SLC8A3: variants seen among roughly 807,000 people sequenced by gnomAD.
SLC8A3 encodes the protein solute carrier family 8 member A3.
A neutral mutation model predicts 65.4 loss-of-function variants in SLC8A3; 37 were observed. The ratio of observed to expected loss-of-function variants is 0.57; its 90% confidence interval spans 0.44 to 0.74. The LOEUF (loss-of-function observed/expected upper bound fraction) is 0.74, where lower values mean the gene tolerates loss of function less well. Ranked by LOEUF, SLC8A3 falls within the 30% of genes least tolerant of loss-of-function variation. The pLI, the probability that SLC8A3 is intolerant of heterozygous loss-of-function variation, is 0.00. For synonymous variants in SLC8A3, 461 were observed against 444.5 expected, an observed-to-expected ratio of 1.04 and a Z score of -0.47; for missense variants, 1,112 against 1,172.1, an observed-to-expected ratio of 0.95 and a Z score of 0.75.
At chr14:70,062,728 G>A (rs546768433) in intron 2 of SLC8A3, among the ~76,000 whole-genome samples, 5 of 152,222 alleles carry the variant, frequency 3.3e-5, no homozygotes, top group Admixed American at 6.5e-5. Context: ...CTTGCTCAGC[G>A]GACAAAAGAG....
intron 2 of SLC8A3, among the ~76,000 whole-genome samples, chr14:70,143,389 T>A (rs908939590): frequency 6.6e-6 from 1 of 152,172 alleles, no homozygotes. Flanking sequence ...CCAGGCGTGC[T>A]TGGCTCCAGA....
At chr14:70,141,285 T>G (rs1216363776) in intron 2 of SLC8A3, among the ~76,000 whole-genome samples, 1 of 152,202 alleles carries the variant, frequency 6.6e-6, no homozygotes, top group Non-Finnish European at 1.5e-5. Flanking sequence ...ATCACCCCAT[T>G]TAGACCTTGC....
At chr14:70,146,109 G>A (rs920262932) in intron 2 of SLC8A3, among the ~76,000 whole-genome samples, 3 of 152,130 alleles carry the variant, frequency 2.0e-5, no homozygotes, top group Non-Finnish European at 2.9e-5. Context: ...TTCACCACAG[G>A]CAGGGGAAAT....
intron 2 of SLC8A3, among the ~76,000 whole-genome samples, chr14:70,108,978 G>A (rs917901679): frequency 2.6e-5 from 4 of 152,124 alleles, no homozygotes; most frequent in South Asian, 4.1e-4. Flanking sequence ...CACCTTAAAT[G>A]TTGCTTTGTC....
At chr14:70,175,402 G>A (rs545548479) in intron 1 of SLC8A3, among the ~76,000 whole-genome samples, 1 of 152,260 alleles carries the variant, frequency 6.6e-6, no homozygotes, top group South Asian at 2.1e-4. Context: ...GGCAAAGAGG[G>A]GCTATGAAAC....
At chr14:70,146,655 G>T (rs192864129) in intron 2 of SLC8A3, among the ~76,000 whole-genome samples, 6 of 152,208 alleles carry the variant, frequency 3.9e-5, no homozygotes. Flanking sequence ...ATTCATAGCT[G>T]AAGTGGAACA....
chr14:70,143,063 C>T (rs1258764387), intron 2 of SLC8A3, among the ~76,000 whole-genome samples: 1 of 152,206 alleles, frequency 6.6e-6, no homozygotes, highest in Non-Finnish European at 1.5e-5. Context: ...GCTCATTCTT[C>T]TCTCTGTAGC....
At chr14:70,052,580 T>G (rs1427555136) in intron 3 of SLC8A3, among the ~76,000 whole-genome samples, 1 of 148,622 alleles carries the variant, frequency 6.7e-6, no homozygotes, top group Non-Finnish European at 1.5e-5. Context: ...CATTTACCAA[T>G]GGTCCCTTCT....
intron 2 of SLC8A3, among the ~76,000 whole-genome samples, chr14:70,066,678 G>A (rs1161052254): frequency 6.6e-6 from 1 of 152,192 alleles, no homozygotes; most frequent in South Asian, 2.1e-4. Flanking sequence ...AGCCATGGTG[G>A]TGCATGCCTG....
chr14:70,132,230 A>G (rs1469863050), intron 2 of SLC8A3, among the ~76,000 whole-genome samples: 1 of 152,240 alleles, frequency 6.6e-6, no homozygotes, highest in African/African-American at 2.4e-5. Context: ...AAGAAACCAA[A>G]CTAAGAAATA....
intron 1 of SLC8A3, among the ~76,000 whole-genome samples, chr14:70,184,905 C>T (rs147945050): frequency 1.3e-5 from 2 of 151,952 alleles, no homozygotes; most frequent in Non-Finnish European, 2.9e-5. Flanking sequence ...CGTATTTGAA[C>T]CTCTTAGGCA....
intron 2 of SLC8A3, among the ~76,000 whole-genome samples, chr14:70,129,205 A>C (rs1309270314): frequency 6.6e-6 from 1 of 152,238 alleles, no homozygotes; most frequent in African/African-American, 2.4e-5. Flanking sequence ...AGAGTGTAAC[A>C]GCATGAGCTG....
At position 70,167,686 on chromosome 14, in the gene SLC8A3, AGGACACAC is replaced by A; in HGVS notation, c.729_736del (p.Cys244SerfsTer7). 1 of 1,614,194 alleles carries A rather than the reference AGGACACAC, an allele frequency of 6.2e-7. No homozygotes were observed. Among genetic ancestry groups the A allele is most frequent in the Non-Finnish European group, 8.5e-7 (1 of 1,180,030 alleles). On this transcript the variant is annotated frameshift_variant, in exon 2 of 7. Coordinates refer to ENST00000356921, the MANE Select transcript of SLC8A3 (RefSeq NM_182932.3). LOFTEE classifies it high-confidence loss of function. ...TCGTTTATCTGCCACCCAGGCCAGA[AGGACACAC>A]ACTGGAAAGAAGAAGAGAGTGAGGA... is the stretch of plus-strand genomic sequence containing the variant.
chr14:70,082,745 T>C (rs1891144554), intron 2 of SLC8A3, among the ~76,000 whole-genome samples: 1 of 152,160 alleles, frequency 6.6e-6, no homozygotes. Flanking sequence ...GCTTAAGCCA[T>C]CAAGCATTCC....
At chr14:70,174,598 G>A (rs1897749744) in intron 1 of SLC8A3, among the ~76,000 whole-genome samples, 1 of 148,072 alleles carries the variant, frequency 6.8e-6, no homozygotes, top group Non-Finnish European at 1.5e-5. Context: ...CCAGGGAAAA[G>A]TCAAGGAGAG....
At chr14:70,187,639 G>GTGTGTGTGTGTGTGTGTGTGTGTGTGTT (rs775352761) in intron 1 of SLC8A3, among the ~76,000 whole-genome samples, 1 of 128,026 alleles carries the variant, frequency 7.8e-6, no homozygotes, top group African/African-American at 3.2e-5. Context: ...GTGTGTGTGT[G>GTGTGTGTGTGTGTGTGTGTGTGTGTGTT]TCCGCGCGCG....
At chr14:70,111,065 T>C (rs1419009024) in intron 2 of SLC8A3, among the ~76,000 whole-genome samples, 2 of 152,180 alleles carry the variant, frequency 1.3e-5, no homozygotes, top group Non-Finnish European at 2.9e-5. Flanking sequence ...TAGCTCAATT[T>C]TTAGTTTTTT....
chr14:70,052,561 A>ATCTTGAC (rs1357557613), intron 3 of SLC8A3, among the ~76,000 whole-genome samples: 1 of 152,106 alleles, frequency 6.6e-6, no homozygotes, highest in Non-Finnish European at 1.5e-5. Flanking sequence ...GTTTCACAGC[A>ATCTTGAC]TCTTGACTCA....
intron 2 of SLC8A3, among the ~76,000 whole-genome samples, chr14:70,090,499 G>C (rs1220224446): frequency 6.6e-6 from 1 of 152,132 alleles, no homozygotes; most frequent in Non-Finnish European, 1.5e-5. Flanking sequence ...CCTAATCGTG[G>C]TATACAGGTT....
Sources: gnomAD v4.1 joint callset for allele counts (sites outside exome capture counted in the v4.1 genomes callset) on GRCh38, gnomAD v4.1.1 for gene constraint, MANE v1.5 for transcripts, NCBI Gene and HGNC (gene_info 2026-07-23, HGNC 2026-07-21) for gene names.